Variants in DHRSX observed in about 807,000 individuals in gnomAD.
DHRSX encodes dehydrogenase/reductase X-linked, also known as polyprenol dehydrogenase.
A neutral mutation model predicts 34.0 loss-of-function variants in DHRSX; 31 were observed. The ratio of observed to expected loss-of-function variants is 0.91; its 90% CI spans 0.69 to 1.23. DHRSX has a LOEUF of 1.23. DHRSX is among the 50% of genes most tolerant of loss of function. The pLI is 0.00. For missense variants in DHRSX, 414 were observed against 428.1 expected, an observed-to-expected ratio of 0.97 and a Z score of 0.29; for synonymous variants, 201 against 183.8, an observed-to-expected ratio of 1.09 and a Z score of -0.76.
chrX:2,295,070 A>C (rs1421307772), intron 3 of DHRSX, among the ~76,000 whole-genome samples: 4 of 152,186 alleles, frequency 2.6e-5, no homozygotes, highest in Non-Finnish European at 4.4e-5. Flanking sequence ...CAATCCCGTT[A>C]CTGGGTATAT....
At position 2,220,440 on chromosome X, in the gene DHRSX, CG is replaced by C. The variant is rs2015496514; in HGVS notation, c.*600del. 1 of 152,916 alleles carries C rather than the reference CG, an allele frequency of 6.5e-6. No individual in the cohort carries two copies. The highest frequency in any genetic ancestry group is 2.4e-5 in the African/African-American group (1 of 41,420). The allele number at this position is 152,916 out of a possible 1,614,324, so 9.5% of individuals were successfully genotyped here. On this transcript the variant is annotated 3_prime_UTR_variant, in exon 7 of 7. Coordinates refer to ENST00000334651, the MANE Select transcript of DHRSX (RefSeq NM_145177.3). ...TACCATTTGATCCATAGCTGTTCAG[CG>C]GTTTACATTCTCGGATTTGACAGTG...
At chrX:2,399,044 C>T (rs1603049456) in intron 3 of DHRSX, among the ~76,000 whole-genome samples, 1 of 151,940 alleles carries the variant, frequency 6.6e-6, no homozygotes, top group African/African-American at 2.4e-5. Flanking sequence ...TTAGTAGAGA[C>T]GGGGTTTCAC....
At chrX:2,347,824 A>G (rs1459389362) in intron 3 of DHRSX, among the ~76,000 whole-genome samples, 1 of 152,216 alleles carries the variant, frequency 6.6e-6, no homozygotes, top group African/African-American at 2.4e-5. Flanking sequence ...CATACGGTAC[A>G]TGGATGTCAT....
chrX:2,438,910 G>T (rs2044029992), intron 1 of DHRSX, among the ~76,000 whole-genome samples: 2 of 152,036 alleles, frequency 1.3e-5, no homozygotes, highest in African/African-American at 4.8e-5. Flanking sequence ...ACTTTGAGAG[G>T]CCGAGGTGGG....
chrX:2,256,634 T>G (rs1162251933), intron 5 of DHRSX, among the ~76,000 whole-genome samples: 1 of 152,198 alleles, frequency 6.6e-6, no homozygotes, highest in Non-Finnish European at 1.5e-5. Context: ...TTCTCTCATG[T>G]GTAAAAACTC....
chrX:2,246,748 G>GAAAGAAAGAAATAAAGAAAGAA (rs776138629), intron 5 of DHRSX, among the ~76,000 whole-genome samples: 1 of 103,778 alleles, frequency 9.6e-6, no homozygotes, highest in African/African-American at 3.1e-5. Context: ...AAGAAAGAAA[G>GAAAGAAAGAAATAAAGAAAGAA]AAAAAGAAAG....
chrX:2,259,407 G>GATATAGATAT (rs2041332944), intron 5 of DHRSX, among the ~76,000 whole-genome samples: 1 of 124,930 alleles, frequency 8.0e-6, no homozygotes, highest in Admixed American at 7.8e-5. Context: ...TATATATATA[G>GATATAGATAT]ATATAGATAT....
intron 3 of DHRSX, among the ~76,000 whole-genome samples, chrX:2,304,170 CTGAT>C (rs1164898819): frequency 0.017 from 572 of 34,228 alleles, 19 homozygotes; most frequent in South Asian, 0.11. Flanking sequence ...GATGGATGAA[CTGAT>C]GGATGGATGG....
At chrX:2,480,803 G>A (rs2044757503) in intron 1 of DHRSX, among the ~76,000 whole-genome samples, 1 of 151,310 alleles carries the variant, frequency 6.6e-6, no homozygotes, top group Non-Finnish European at 1.5e-5. Flanking sequence ...GGGTGATAGG[G>A]TGAGACTGTC....
rs2041865383 is a variant in DHRSX at position 2,291,551 on chromosome X, C to A, written c.339G>T (p.Val113=). 6.2e-7 allele frequency: 1 copy of A among 1,613,792 alleles called. No homozygotes were observed. The highest frequency in any genetic ancestry group is 2.2e-5 in the East Asian group (1 of 44,886). Residue 113 remains valine, a synonymous_variant, in exon 4 of 7, where the codon GTG becomes GTT. Coordinates refer to ENST00000334651, the MANE Select transcript of DHRSX (RefSeq NM_145177.3). ...LASMTSIRQF[V]QKFKMKKIPL... is the part of the protein sequence containing the mutation. ...GAATCTTCTTCATCTTGAACTTCTGCACAAACTGCCGGATGGAAGTCATGG... is the reference window on the plus strand; with the variant it reads ...GAATCTTCTTCATCTTGAACTTCTGAACAAACTGCCGGATGGAAGTCATGG...
intron 4 of DHRSX, among the ~76,000 whole-genome samples, chrX:2,282,881 GGGAGGGA>G (rs200500882): frequency 0.028 from 4,171 of 148,242 alleles, 244 homozygotes; most frequent in African/African-American, 0.1. Flanking sequence ...GGGGGAGAGA[GGGAGGGA>G]GGAGGGAGAA....
chrX:2,268,773 C>A (rs1602841262), intron 4 of DHRSX, among the ~76,000 whole-genome samples: 1 of 152,178 alleles, frequency 6.6e-6, no homozygotes, highest in Non-Finnish European at 1.5e-5. Flanking sequence ...ATTGTACAAT[C>A]GCAAGTATTT....
rs142069141 is a variant in DHRSX at position 2,331,597 on chromosome X, G to A, written c.287-39994C>T. Among the ~76,000 whole-genome samples the A allele has an allele frequency of 6.0e-3, 913 of 151,766 alleles. 16 individuals are homozygous for A. The highest frequency in any genetic ancestry group is 0.044 in the East Asian group (226 of 5,146). On this transcript the variant is annotated intron_variant, in intron 3 of 6. Transcript: ENST00000334651. ...CGAGTAGCTGGGATTACAGGTGCCC[G>A]CCACCATGCCCAGCTAATTTTTTTG...
chrX:2,449,274 G>A (rs1456892010), intron 1 of DHRSX, among the ~76,000 whole-genome samples: 3 of 151,992 alleles, frequency 2.0e-5, no homozygotes, highest in South Asian at 2.1e-4. Flanking sequence ...CTCACAAAGC[G>A]GCGAGTGTTC....
intron 1 of DHRSX, among the ~76,000 whole-genome samples, chrX:2,484,953 A>G (rs1490411192): frequency 2.0e-5 from 3 of 151,814 alleles, no homozygotes; most frequent in Non-Finnish European, 4.4e-5. Context: ...CCTCTTTACT[A>G]AAACATCCGA....
chrX:2,361,948 C>A (rs1603006778), intron 3 of DHRSX, among the ~76,000 whole-genome samples: 1 of 152,268 alleles, frequency 6.6e-6, no homozygotes, highest in South Asian at 2.1e-4. Context: ...GTTTCTAATT[C>A]TTTCTTCAAT....
intron 6 of DHRSX, among the ~76,000 whole-genome samples, chrX:2,223,184 G>C (rs1176471019): frequency 6.6e-6 from 1 of 151,800 alleles, no homozygotes; most frequent in Admixed American, 6.6e-5. Flanking sequence ...AAGGGAGGGA[G>C]CCAGTGGGAG....
At chrX:2,246,663 A>C (rs2016290859) in intron 5 of DHRSX, among the ~76,000 whole-genome samples, 1 of 148,318 alleles carries the variant, frequency 6.7e-6, no homozygotes, top group Admixed American at 6.8e-5. Context: ...AAAGAAAGAA[A>C]AGAAAGAAAA....
intron 3 of DHRSX, among the ~76,000 whole-genome samples, chrX:2,403,818 T>C (rs1167508497): frequency 6.7e-6 from 1 of 149,196 alleles, no homozygotes; most frequent in Non-Finnish European, 1.5e-5. Context: ...ATCACACCAC[T>C]GCATTCTAAC....
Sources: gnomAD v4.1 joint callset for allele counts (sites outside exome capture counted in the v4.1 genomes callset) on GRCh38, gnomAD v4.1.1 for gene constraint, MANE v1.5 for transcripts, NCBI Gene and HGNC (gene_info 2026-07-23, HGNC 2026-07-21) for gene names.